KCNC4: variants seen among roughly 807,000 people sequenced by gnomAD.
The protein encoded by KCNC4 is voltage-gated potassium channel KCNC4.
Under a neutral mutation model 42.8 loss-of-function variants are expected in KCNC4, and 23 were observed. The observed-to-expected ratio is 0.54, with a 90% CI of 0.39 to 0.76. The LOEUF (loss-of-function observed/expected upper bound fraction) is 0.76, where lower values mean the gene tolerates loss of function less well. Ranked by LOEUF, KCNC4 falls within the 30% of genes least tolerant of loss-of-function variation. The probability of loss-of-function intolerance (pLI) is 0.00; values close to 1 mark genes in which losing one functional copy is unlikely to be tolerated. For synonymous variants in KCNC4, 422 were observed against 393.5 expected, an observed-to-expected ratio of 1.07 and a Z score of -0.86; for missense variants, 751 against 898.2, an observed-to-expected ratio of 0.84 and a Z score of 2.10.
At chr1:110,263,790 A>T (rs911951045) in intron 1 of KCNC4, among the ~76,000 whole-genome samples, 11 of 63,520 alleles carry the variant, frequency 1.7e-4, no homozygotes, top group African/African-American at 5.4e-4. Context: ...CTTCCTCTCT[A>T]AAAAAAAAAC....
At chr1:110,234,575 T>C (rs969595433), downstream of KCNC4, 3 of 152,212 alleles carry the variant, frequency 2.0e-5, no homozygotes, top group Non-Finnish European at 4.4e-5. Context: ...GACGTGGCCC[T>C]TGGCTCTCAC....
intron 3 of KCNC4, 69 bp downstream of exon 3, chr1:110,226,247 A>G (rs1262696338): frequency 2.2e-6 from 3 of 1,375,800 alleles, no homozygotes; most frequent in Non-Finnish European, 3.1e-6. Context: ...CCCCACCAAG[A>G]GCCTGAGGTC....
intron 1 of KCNC4, among the ~76,000 whole-genome samples, chr1:110,270,846 C>T (rs1372160259): frequency 6.6e-6 from 1 of 152,162 alleles, no homozygotes; most frequent in Admixed American, 6.5e-5. Flanking sequence ...ATTTTTCAGC[C>T]CCTGCAGACT....
chr1:110,283,671 C>T (rs546169882), downstream of KCNC4, among the ~76,000 whole-genome samples: 13 of 152,282 alleles, frequency 8.5e-5, no homozygotes, highest in East Asian at 1.9e-4. Context: ...TTAGTCCTGA[C>T]GACTTTTTTT....
intron 2 of KCNC4, chr1:110,224,652 C>T (rs1206101770): frequency 6.6e-6 from 1 of 152,220 alleles, no homozygotes; most frequent in Non-Finnish European, 1.5e-5. Flanking sequence ...TGAATCCTGT[C>T]CCTCAAGGAT....
Position 110,223,685 on chromosome 1 carries a change from C to A in KCNC4, c.1400C>A (p.Pro467Gln). The change falls in exon 2 of 4, where the codon CCG becomes CAG. Residue 467 changes from proline to glutamine, a missense_variant. This residue lies in a region of KCNC4 where 185 missense variants were observed against 293.7 expected (regional missense o/e 0.63). Transcript: ENST00000438661. The surrounding 1 kb of genome is among the most constrained non-coding windows in gnomAD (Gnocchi z 7.5). Reference protein sequence around the residue: ...ALAGVLTIAMPVPVIVNNFGM... With the variant: ...ALAGVLTIAMQVPVIVNNFGM... ...GCTGGCGTGCTCACCATCGCCATGCCGGTGCCTGTCATCGTCAACAACTTC... is the reference window on the plus strand; with the variant it reads ...GCTGGCGTGCTCACCATCGCCATGCAGGTGCCTGTCATCGTCAACAACTTC... 2 of 1,614,032 alleles carry A rather than the reference C, an allele frequency of 1.2e-6. No individual in the cohort carries two copies. The highest frequency in any genetic ancestry group is 1.7e-6 in the Non-Finnish European group (2 of 1,180,034).
At chr1:110,257,720 C>CAAAAAA (rs56333861) in intron 1 of KCNC4, among the ~76,000 whole-genome samples, 17,943 of 89,884 alleles carry the variant, frequency 0.2, 2,292 homozygotes, top group Non-Finnish European at 0.24. Flanking sequence ...GACTCCGTCT[C>CAAAAAA]AAAAAAAAAA....
chr1:110,268,610 G>GAAAAA (rs1177241176), intron 1 of KCNC4, among the ~76,000 whole-genome samples: 64 of 81,464 alleles, frequency 7.9e-4, no homozygotes, highest in African/African-American at 1.0e-3. Flanking sequence ...TGTCTCAAAA[G>GAAAAA]AAAAAAAAAA....
chr1:110,249,875 C>T (rs1394916400), downstream of KCNC4, among the ~76,000 whole-genome samples: 3 of 152,170 alleles, frequency 2.0e-5, no homozygotes, highest in Non-Finnish European at 4.4e-5. Flanking sequence ...TGAGACTCTG[C>T]ACCCATTAAA....
chr1:110,257,373 T>C (rs7511644), intron 1 of KCNC4, among the ~76,000 whole-genome samples: 3,145 of 151,638 alleles, frequency 0.021, 92 homozygotes, highest in African/African-American at 0.072. Flanking sequence ...CTTTCCTGTC[T>C]AGTTCTAAAA....
chr1:110,231,530 A>G (rs574894799), intron 3 of KCNC4, among the ~76,000 whole-genome samples: 1 of 118,840 alleles, frequency 8.4e-6, no homozygotes, highest in Admixed American at 1.1e-4. Context: ...GTCTCATCCT[A>G]GACCCATCCT....
At chr1:110,232,296 TC>T in intron 3 of KCNC4, 1 of 1,613,400 alleles carries the variant, frequency 6.2e-7, no homozygotes, top group Non-Finnish European at 8.5e-7. Flanking sequence ...GGGACTCTGT[TC>T]CTGCCACATT....
intron 1 of KCNC4, among the ~76,000 whole-genome samples, chr1:110,281,114 T>C (rs1659814674): frequency 6.6e-6 from 1 of 152,206 alleles, no homozygotes; most frequent in South Asian, 2.1e-4. Flanking sequence ...AAGAAGCTAA[T>C]GAGACAAGAA....
intron 3 of KCNC4, 122 bp downstream of exon 3, chr1:110,226,300 G>T (rs1199624395): frequency 4.0e-6 from 3 of 757,426 alleles, no homozygotes; most frequent in Non-Finnish European, 6.9e-6. Flanking sequence ...CTCTGCCTTG[G>T]ATGCACCCCC....
chr1:110,228,266 C>T (rs975055241), intron 3 of KCNC4, among the ~76,000 whole-genome samples: 3 of 152,232 alleles, frequency 2.0e-5, no homozygotes, highest in East Asian at 3.9e-4. Flanking sequence ...GTCAAGAAGG[C>T]TGATGCTGGA....
chr1:110,233,053 T>G lies in KCNC4; in HGVS notation c.*81T>G. 2 of 1,506,956 alleles carry G rather than the reference T, an allele frequency of 1.3e-6. No individual in the cohort carries two copies. The highest frequency in any genetic ancestry group is 1.8e-6 in the Non-Finnish European group (2 of 1,109,930). The allele number at this position is 1,506,956 out of a possible 1,614,324, so 93.3% of individuals were successfully genotyped here. A position where few individuals can be genotyped will look rare whatever the true frequency, so the allele number is the denominator to read the frequency against. On this transcript the variant is annotated 3_prime_UTR_variant, in exon 4 of 4. Transcript: ENST00000438661. The stretch of plus-strand genomic sequence containing the variant: ...AAACTCTGGAACCCAGACAAGAATC[T>G]TTTCGCTGGGAAAGACTCAGATATC...
downstream of KCNC4, among the ~76,000 whole-genome samples, chr1:110,250,190 C>G (rs1235988990): frequency 1.3e-5 from 2 of 152,112 alleles, no homozygotes; most frequent in African/African-American, 4.8e-5. Context: ...GACCAGGCCT[C>G]GCACACTCAT....
At chr1:110,222,876 G>A in intron 1 of KCNC4, 88 bp from the exon 2 acceptor site, 1 of 944,908 alleles carries the variant, frequency 1.1e-6, no homozygotes, top group Non-Finnish European at 1.6e-6. Context: ...GCCCTTCCTG[G>A]TAACCTTCAT....
exon 4 of KCNC4, chr1:110,245,992 G>C (rs1659138290): frequency 6.6e-6 from 1 of 152,184 alleles, no homozygotes; most frequent in African/African-American, 2.4e-5. Context: ...GAAGTACTCT[G>C]GGCTTCTCCG....
Sources: allele counts gnomAD v4.1 joint callset (sites outside exome capture counted in the v4.1 genomes callset), GRCh38; gene constraint gnomAD v4.1.1; regional missense constraint gnomAD v4.1.1; non-coding constraint Gnocchi (gnomAD v3.1); transcripts MANE v1.5; gene names NCBI Gene and HGNC (gene_info 2026-07-23, HGNC 2026-07-21).